The following CDYL2 variants were observed in gnomAD, a reference collection of about 807,000 sequenced individuals.
CDYL2 encodes the protein chromodomain Y-like protein 2.
A neutral mutation model predicts 49.4 loss-of-function variants in CDYL2; 23 were observed. The observed-to-expected ratio is 0.47, with a 90% CI of 0.34 to 0.66. The LOEUF is 0.66. Among genes scored for constraint, CDYL2 ranks in the 30% least tolerant of loss-of-function variants. The probability of loss-of-function intolerance (pLI) is 0.01; values close to 1 mark genes in which losing one functional copy is unlikely to be tolerated. For missense variants in CDYL2, 678 were observed against 656.4 expected, an observed-to-expected ratio of 1.03 and a Z score of -0.36; for synonymous variants, 360 against 268.8, an observed-to-expected ratio of 1.34 and a Z score of -3.32.
chr16:80,608,579 G>A (rs1906450026), intron 5 of CDYL2, among the ~76,000 whole-genome samples: 1 of 152,106 alleles, frequency 6.6e-6, no homozygotes, highest in Non-Finnish European at 1.5e-5. Flanking sequence ...TGACATCATT[G>A]GCACTGAAAT....
At chr16:80,616,577 T>C (rs1222008256) in intron 4 of CDYL2, among the ~76,000 whole-genome samples, 1 of 151,972 alleles carries the variant, frequency 6.6e-6, no homozygotes. Context: ...CAGCCAAAGC[T>C]CAGAGCCAAG....
chr16:80,775,703 T>A (rs552534439), intron 1 of CDYL2, among the ~76,000 whole-genome samples: 1 of 151,996 alleles, frequency 6.6e-6, no homozygotes, highest in East Asian at 1.9e-4. Context: ...CAATAAATAT[T>A]TGCATGGAAA....
intron 1 of CDYL2, among the ~76,000 whole-genome samples, chr16:80,766,828 G>C (rs546255500): frequency 6.6e-6 from 1 of 152,108 alleles, no homozygotes; most frequent in Admixed American, 6.5e-5. Flanking sequence ...AAGAAGTGTC[G>C]GCCACACAAT....
At chr16:80,727,997 G>GA (rs1341450793) in intron 1 of CDYL2, among the ~76,000 whole-genome samples, 1 of 152,124 alleles carries the variant, frequency 6.6e-6, no homozygotes, top group East Asian at 1.9e-4. Context: ...ACAAAGGTGG[G>GA]AAAAAAACAG....
chr16:80,620,409 G>A (rs984692421), intron 4 of CDYL2, among the ~76,000 whole-genome samples: 8 of 152,132 alleles, frequency 5.3e-5, no homozygotes, highest in Admixed American at 2.0e-4. Context: ...GGCAAGGGGC[G>A]GGAGTAGTGT....
chr16:80,624,211 T>C (rs560741764), intron 3 of CDYL2, among the ~76,000 whole-genome samples: 2 of 152,312 alleles, frequency 1.3e-5, no homozygotes, highest in East Asian at 3.9e-4. Flanking sequence ...ACAGGAAGCC[T>C]ATGATGGAAT....
chr16:80,699,368 T>C (rs1247242960), intron 1 of CDYL2, among the ~76,000 whole-genome samples: 1 of 152,256 alleles, frequency 6.6e-6, no homozygotes, highest in Non-Finnish European at 1.5e-5. Flanking sequence ...TGTGGCAACA[T>C]GCACGAGCCT....
intron 1 of CDYL2, among the ~76,000 whole-genome samples, chr16:80,743,873 C>CA (rs1293651983): frequency 6.6e-6 from 1 of 152,104 alleles, no homozygotes; most frequent in Admixed American, 6.5e-5. Context: ...AGTGCCTGAA[C>CA]ACAGGCTTGG....
intron 2 of CDYL2, among the ~76,000 whole-genome samples, chr16:80,646,934 T>C (rs1264734161): frequency 2.1e-5 from 3 of 144,736 alleles, no homozygotes; most frequent in African/African-American, 2.6e-5. Context: ...TGCCAATGAA[T>C]ACCAAAAAAG....
intron 1 of CDYL2, among the ~76,000 whole-genome samples, chr16:80,726,340 T>C (rs1045283975): frequency 6.6e-6 from 1 of 152,236 alleles, no homozygotes; most frequent in Non-Finnish European, 1.5e-5. Flanking sequence ...ACAAAGACAC[T>C]GATTTTGGCA....
chr16:80,611,924 C>G (rs1340164294), intron 5 of CDYL2, among the ~76,000 whole-genome samples: 1 of 152,204 alleles, frequency 6.6e-6, no homozygotes, highest in East Asian at 1.9e-4. Context: ...CTCTGTCTGC[C>G]CCACCTGGTG....
At chr16:80,650,710 A>G (rs1314864465) in intron 2 of CDYL2, among the ~76,000 whole-genome samples, 2 of 152,212 alleles carry the variant, frequency 1.3e-5, no homozygotes, top group Non-Finnish European at 2.9e-5. Context: ...CAAGATTTGG[A>G]AGCAACCTAA....
At chr16:80,776,389 T>C (rs985284409) in intron 1 of CDYL2, among the ~76,000 whole-genome samples, 1 of 152,054 alleles carries the variant, frequency 6.6e-6, no homozygotes, top group African/African-American at 2.4e-5. Context: ...AGCTAAGAAT[T>C]TATCTTCAAT....
At chr16:80,615,361 T>C (rs1906782738) in intron 4 of CDYL2, among the ~76,000 whole-genome samples, 7 of 152,184 alleles carry the variant, frequency 4.6e-5, no homozygotes, top group Admixed American at 4.6e-4. Context: ...TTGTCAAACA[T>C]CCCATTCCTG....
At chr16:80,790,373 G>C (rs1907572042) in intron 1 of CDYL2, among the ~76,000 whole-genome samples, 1 of 152,116 alleles carries the variant, frequency 6.6e-6, no homozygotes, top group African/African-American at 2.4e-5. Flanking sequence ...AACAACCTTT[G>C]TCTACACAAC....
intron 4 of CDYL2, among the ~76,000 whole-genome samples, chr16:80,619,591 A>G (rs1906984714): frequency 6.6e-6 from 1 of 152,166 alleles, no homozygotes; most frequent in Admixed American, 6.5e-5. Context: ...TCCCCCTTTG[A>G]TACATGGAAA....
intron 2 of CDYL2, chr16:80,670,857 C>A (rs1350918626): frequency 2.2e-6 from 1 of 454,934 alleles, no homozygotes; most frequent in Non-Finnish European, 4.4e-6. Context: ...ATAAAAGGGG[C>A]TCTATACACA....
At chr16:80,700,684 T>C (rs558254435) in intron 1 of CDYL2, among the ~76,000 whole-genome samples, 10 of 152,242 alleles carry the variant, frequency 6.6e-5, no homozygotes, top group Non-Finnish European at 1.5e-4. Flanking sequence ...TAGCTATATA[T>C]GTTCTTAGCA....
chr16:80,719,835 C>G (rs1258868341), intron 1 of CDYL2, among the ~76,000 whole-genome samples: 3 of 152,180 alleles, frequency 2.0e-5, no homozygotes, highest in Non-Finnish European at 4.4e-5. Context: ...ACAACAGAAT[C>G]AGCCCAAGAG....
Sources: gnomAD v4.1 joint callset for allele counts (sites outside exome capture counted in the v4.1 genomes callset) on GRCh38, gnomAD v4.1.1 for gene constraint, MANE v1.5 for transcripts, NCBI Gene and HGNC (gene_info 2026-07-23, HGNC 2026-07-21) for gene names.